Variants in WWOX observed in about 807,000 individuals in gnomAD.
WWOX encodes WW domain containing oxidoreductase.
In WWOX, 69 loss-of-function variants were observed where a neutral mutation model predicts 46.2. That is an observed-to-expected ratio of 1.49 (90% confidence interval 1.23 to 1.82). The LOEUF (loss-of-function observed/expected upper bound fraction) is 1.82. Ranked by LOEUF, WWOX falls within the 40% of genes most tolerant of loss-of-function variation. WWOX has a pLI of 0.00. For synonymous variants in WWOX, 359 were observed against 202.6 expected, an observed-to-expected ratio of 1.77 and a Z score of -6.56; for missense variants, 919 against 542.6, an observed-to-expected ratio of 1.69 and a Z score of -6.89.
intron 8 of WWOX, among the ~76,000 whole-genome samples, chr16:78,460,547 T>C (rs1786976066): frequency 6.6e-6 from 1 of 152,190 alleles, no homozygotes; most frequent in Non-Finnish European, 1.5e-5. Flanking sequence ...ACCAACACCA[T>C]ACTAGCTCTT....
intron 8 of WWOX, among the ~76,000 whole-genome samples, chr16:79,189,377 C>T (rs2051083597): frequency 1.3e-5 from 2 of 150,860 alleles, no homozygotes; most frequent in African/African-American, 4.9e-5. Flanking sequence ...CCTGTCTCAG[C>T]CTCCCGAGTA....
chr16:79,065,775 A>G (rs1364889939), intron 8 of WWOX, among the ~76,000 whole-genome samples: 2 of 152,154 alleles, frequency 1.3e-5, no homozygotes, highest in African/African-American at 4.8e-5. Context: ...AATTCTTCCC[A>G]GTGTTACTTT....
intron 5 of WWOX, among the ~76,000 whole-genome samples, chr16:78,223,189 C>G (rs543370816): frequency 1.2e-4 from 19 of 152,302 alleles, no homozygotes; most frequent in African/African-American, 4.6e-4. Flanking sequence ...CCAAGGGTGA[C>G]TCTGCCCATC....
intron 8 of WWOX, among the ~76,000 whole-genome samples, chr16:78,645,139 C>T (rs1488082135): frequency 1.3e-5 from 2 of 152,252 alleles, no homozygotes; most frequent in African/African-American, 2.4e-5. Context: ...CTTGCTGTTA[C>T]CAGAATCTGT....
intron 8 of WWOX, among the ~76,000 whole-genome samples, chr16:78,975,458 CTT>C: frequency 6.9e-6 from 1 of 144,020 alleles, no homozygotes. Flanking sequence ...GTTCCCCAAC[CTT>C]TTTTTTTTTT....
intron 8 of WWOX, among the ~76,000 whole-genome samples, chr16:79,194,535 A>G (rs1201243669): frequency 6.6e-6 from 1 of 152,150 alleles, no homozygotes; most frequent in Non-Finnish European, 1.5e-5. Flanking sequence ...TTCCTGGCCC[A>G]TATGAGATCT....
chr16:78,477,153 T>G (rs1218541345), intron 8 of WWOX, among the ~76,000 whole-genome samples: 8 of 152,192 alleles, frequency 5.3e-5, no homozygotes. Context: ...ATCTAAATAT[T>G]GCTTTTAGTG....
At chr16:78,399,935 G>T (rs2082372999) in intron 6 of WWOX, among the ~76,000 whole-genome samples, 1 of 152,188 alleles carries the variant, frequency 6.6e-6, no homozygotes, top group Non-Finnish European at 1.5e-5. Context: ...GAATAAATCA[G>T]CGGTGCTACA....
At chr16:78,382,074 CT>C (rs560971619) in intron 5 of WWOX, among the ~76,000 whole-genome samples, 5 of 151,996 alleles carry the variant, frequency 3.3e-5, no homozygotes, top group African/African-American at 1.2e-4. Flanking sequence ...GTCTTTGTGA[CT>C]TTTTTTTATA....
chr16:79,104,051 C>CGGGGG (rs2049258788), intron 8 of WWOX, among the ~76,000 whole-genome samples: 1 of 14,722 alleles, frequency 6.8e-5, no homozygotes, highest in Admixed American at 8.7e-4. Context: ...GGGGGGGGGG[C>CGGGGG]GGGTGGTGGG....
At position 79,036,104 on chromosome 16, in the gene WWOX, C is replaced by T. The variant is rs936754269; in HGVS notation, c.1057-175504C>T. 3.9e-5 allele frequency among the ~76,000 whole-genome samples: 6 copies of T among 152,182 alleles called. No homozygotes were observed. The East Asian group carries it at 1.2e-3, about 29-fold the overall frequency. ...CCTGCTCTCTCCATTTCTCATTCAC[C>T]ACACCCTGGGCTATCTTTCACTCTC... On this transcript the variant is annotated intron_variant, in intron 8 of 8. Transcript: ENST00000566780.
intron 5 of WWOX, among the ~76,000 whole-genome samples, chr16:78,381,603 G>C (rs989784967): frequency 6.6e-6 from 1 of 152,164 alleles, no homozygotes; most frequent in Admixed American, 6.5e-5. Flanking sequence ...TAACATTTCT[G>C]TTTTGCCTGA....
At chr16:78,419,271 C>T (rs979816543) in intron 6 of WWOX, among the ~76,000 whole-genome samples, 2 of 151,948 alleles carry the variant, frequency 1.3e-5, no homozygotes, top group Non-Finnish European at 2.9e-5. Flanking sequence ...GACTTTTTTA[C>T]AGAAATTGAA....
At chr16:79,088,829 A>G (rs552687378) in intron 8 of WWOX, among the ~76,000 whole-genome samples, 1 of 152,238 alleles carries the variant, frequency 6.6e-6, no homozygotes, top group Non-Finnish European at 1.5e-5. Flanking sequence ...GGCAAAGTCC[A>G]TAGAAGCCCA....
At chr16:78,154,372 A>C (rs1268485413) in intron 4 of WWOX, among the ~76,000 whole-genome samples, 1 of 151,940 alleles carries the variant, frequency 6.6e-6, no homozygotes, top group Non-Finnish European at 1.5e-5. Context: ...GCCTAAATCC[A>C]CAGGCTCCCG....
intron 8 of WWOX, among the ~76,000 whole-genome samples, chr16:78,768,945 T>G (rs536089024): frequency 8.5e-5 from 13 of 152,292 alleles, no homozygotes; most frequent in African/African-American, 1.2e-4. Context: ...GTTTCCATTC[T>G]GTTTTGAGCA....
At chr16:78,638,819 T>A (rs2046636608) in intron 8 of WWOX, among the ~76,000 whole-genome samples, 1 of 152,190 alleles carries the variant, frequency 6.6e-6, no homozygotes, top group Non-Finnish European at 1.5e-5. Flanking sequence ...ATTAGGAGAT[T>A]TCACAGTTGT....
intron 5 of WWOX, among the ~76,000 whole-genome samples, chr16:78,168,847 C>A (rs538650512): frequency 2.0e-5 from 3 of 152,080 alleles, no homozygotes; most frequent in African/African-American, 7.2e-5. Context: ...TATTAAGAAC[C>A]TATATGTAAT....
At chr16:79,092,143 T>A (rs2052931690) in intron 8 of WWOX, among the ~76,000 whole-genome samples, 1 of 152,148 alleles carries the variant, frequency 6.6e-6, no homozygotes, top group African/African-American at 2.4e-5. Flanking sequence ...TAGTCTGAAT[T>A]AGGGGAGTTT....
Sources: allele counts gnomAD v4.1 joint callset (sites outside exome capture counted in the v4.1 genomes callset), GRCh38; gene constraint gnomAD v4.1.1; transcripts MANE v1.5; gene names NCBI Gene and HGNC (gene_info 2026-07-23, HGNC 2026-07-21).